The following CACNB4 variants were observed in gnomAD, a reference collection of about 807,000 sequenced individuals.
The protein encoded by CACNB4 is calcium voltage-gated channel auxiliary subunit beta 4, also known as voltage-dependent L-type calcium channel subunit beta-4.
CACNB4 carries 32 observed loss-of-function variants against 71.2 expected under a neutral mutation model. That is an observed-to-expected ratio of 0.45 (90% CI 0.34 to 0.60). The LOEUF (loss-of-function observed/expected upper bound fraction) is 0.60, where lower values mean the gene tolerates loss of function less well. CACNB4 is among the 20% of genes least tolerant of loss of function. The pLI is 0.01. For missense variants in CACNB4, 464 were observed against 647.9 expected (o/e 0.72, Z 3.08); for synonymous variants, 231 against 236.9 (o/e 0.97, Z 0.23).
intron 2 of CACNB4, among the ~76,000 whole-genome samples, chr2:151,911,392 G>A (rs1265672631): frequency 6.6e-6 from 1 of 152,136 alleles, no homozygotes; most frequent in East Asian, 1.9e-4. Context: ...TTTTCAAAGG[G>A]AATACTTCCA....
At chr2:151,989,900 C>T (rs1681598702) in intron 2 of CACNB4, among the ~76,000 whole-genome samples, 1 of 152,142 alleles carries the variant, frequency 6.6e-6, no homozygotes, top group Admixed American at 6.6e-5. Flanking sequence ...GCTTCCCTTC[C>T]CCCTCTCCAC....
intron 2 of CACNB4, among the ~76,000 whole-genome samples, chr2:152,061,819 C>A (rs1686030869): frequency 6.6e-6 from 1 of 151,742 alleles, no homozygotes; most frequent in Non-Finnish European, 1.5e-5. Context: ...CAAGACCAGT[C>A]TGGCCAACAT....
At chr2:151,991,808 T>C (rs944322618) in intron 2 of CACNB4, among the ~76,000 whole-genome samples, 2 of 152,216 alleles carry the variant, frequency 1.3e-5, no homozygotes, top group African/African-American at 4.8e-5. Context: ...TTTATCATTC[T>C]GTAATGGCGA....
intron 2 of CACNB4, among the ~76,000 whole-genome samples, chr2:152,033,311 C>T (rs765472505): frequency 1.3e-5 from 2 of 151,956 alleles, no homozygotes; most frequent in Admixed American, 6.6e-5. Context: ...GTGGTGTAGA[C>T]GGGCTGCCAC....
rs772710615 is a variant in CACNB4 at position 151,835,340 on chromosome 2, C to A, written c.*3779G>T. 2 of 151,850 alleles carry A rather than the reference C, an allele frequency of 1.3e-5. No individual in the cohort carries two copies. Among genetic ancestry groups the A allele is most frequent in the Non-Finnish European group, 3.0e-5 (2 of 67,790 alleles). 9.4% of individuals were successfully genotyped at this position (151,850 alleles called of 1,614,324 possible). A position where few individuals can be genotyped will look rare whatever the true frequency, so the allele number is the denominator to read the frequency against. ...CAGCATTTTGGAAACAGTTTAAAAT[C>A]TAAAGGGAAGGCATATTTTAATAAT... is the stretch of plus-strand genomic sequence containing the variant. On this transcript the variant is annotated 3_prime_UTR_variant, in exon 14 of 14. Coordinates refer to ENST00000539935, the MANE Select transcript of CACNB4 (RefSeq NM_000726.5).
At chr2:151,860,327 A>G in intron 10 of CACNB4, 1 of 226,382 alleles carries the variant, frequency 4.4e-6, no homozygotes, top group Non-Finnish European at 8.5e-6. Flanking sequence ...CTTTTCTTCT[A>G]AAGATCTCAG....
chr2:152,052,938 C>T (rs959798505), intron 2 of CACNB4, among the ~76,000 whole-genome samples: 3 of 151,656 alleles, frequency 2.0e-5, no homozygotes, highest in African/African-American at 7.3e-5. Flanking sequence ...GCCGAGATCA[C>T]GCCACTGCAC....
At chr2:151,870,790 C>T (rs558982840) in intron 7 of CACNB4, 52 bp downstream of exon 7, 3 of 1,449,456 alleles carry the variant, frequency 2.1e-6, no homozygotes, top group Non-Finnish European at 2.9e-6. Flanking sequence ...GCATTGCAGG[C>T]ATGTATATAT....
intron 2 of CACNB4, among the ~76,000 whole-genome samples, chr2:151,903,764 T>G (rs1396727364): frequency 1.3e-5 from 2 of 152,218 alleles, no homozygotes; most frequent in African/African-American, 4.8e-5. Context: ...AGCTCCCTGC[T>G]CTTGCACAGG....
chr2:151,868,388 G>GT (rs762276705), intron 9 of CACNB4: 12 of 152,178 alleles, frequency 7.9e-5, no homozygotes, highest in Non-Finnish European at 1.8e-4. Flanking sequence ...TAAATCTCAG[G>GT]TTTTTTCATG....
chr2:151,887,085 G>C (rs1163440461), intron 2 of CACNB4, among the ~76,000 whole-genome samples: 5 of 152,058 alleles, frequency 3.3e-5, no homozygotes, highest in Non-Finnish European at 7.4e-5. Flanking sequence ...CAAAAAGAGA[G>C]AGAGATGGCA....
At chr2:151,877,618 G>A (rs2099846774) in intron 4 of CACNB4, among the ~76,000 whole-genome samples, 1 of 152,138 alleles carries the variant, frequency 6.6e-6, no homozygotes, top group Non-Finnish European at 1.5e-5. Context: ...TCTCACTGGG[G>A]AAGAGTCATG....
rs376015337 is a variant in CACNB4, at chr2:151,841,927, A to G, written c.1278T>C (p.Tyr426=). The change falls in exon 13 of 14, where the codon TAT becomes TAC. Residue 426 remains tyrosine, a synonymous_variant. Coordinates refer to ENST00000539935, the MANE Select transcript of CACNB4 (RefSeq NM_000726.5). ...RNLGSTALSP[Y]PTAISGLQSQ... is the part of the protein sequence containing the mutation. ...CCTGTAACCCAGAAATTGCTGTGGG[A>G]TATGGTGAGAGTGCCGTGGAGCCCA... 20 of 1,613,808 alleles carry G rather than the reference A, an allele frequency of 1.2e-5. No homozygotes were observed. Among genetic ancestry groups the G allele is most frequent in the Non-Finnish European group, 1.6e-5 (19 of 1,179,888 alleles).
intron 2 of CACNB4, among the ~76,000 whole-genome samples, chr2:151,960,686 T>C (rs1330262607): frequency 6.6e-6 from 1 of 152,202 alleles, no homozygotes; most frequent in East Asian, 1.9e-4. Context: ...CAAGGGTTAG[T>C]GCTCTTTCTG....
At chr2:151,860,947 G>A (rs2099841486) in intron 9 of CACNB4, 127 bp from the exon 10 acceptor site, 1 of 643,080 alleles carries the variant, frequency 1.6e-6, no homozygotes, top group Non-Finnish European at 2.8e-6. Flanking sequence ...AACAAACATT[G>A]GCCACAAGTA....
At chr2:152,020,535 A>C (rs1210077641) in intron 2 of CACNB4, among the ~76,000 whole-genome samples, 2 of 152,254 alleles carry the variant, frequency 1.3e-5, no homozygotes, top group Non-Finnish European at 2.9e-5. Context: ...TAAAGAAAGA[A>C]AAGAAAGATC....
At chr2:151,924,618 T>C (rs1003568941) in intron 2 of CACNB4, among the ~76,000 whole-genome samples, 1 of 151,972 alleles carries the variant, frequency 6.6e-6, no homozygotes, top group African/African-American at 2.4e-5. Flanking sequence ...TGTAATATGA[T>C]GAAGGTGAAT....
At chr2:152,031,377 G>C (rs1684274950) in intron 2 of CACNB4, among the ~76,000 whole-genome samples, 1 of 152,242 alleles carries the variant, frequency 6.6e-6, no homozygotes, top group Non-Finnish European at 1.5e-5. Context: ...TACAATGCAT[G>C]TAGTTCAGGC....
At chr2:152,048,105 C>T (rs1685228001) in intron 2 of CACNB4, among the ~76,000 whole-genome samples, 1 of 152,108 alleles carries the variant, frequency 6.6e-6, no homozygotes, top group Non-Finnish European at 1.5e-5. Flanking sequence ...CTGCTGACAT[C>T]GTGGACCAGA....
Sources: allele counts gnomAD v4.1 joint callset (sites outside exome capture counted in the v4.1 genomes callset), GRCh38; gene constraint gnomAD v4.1.1; transcripts MANE v1.5; gene names NCBI Gene and HGNC (gene_info 2026-07-23, HGNC 2026-07-21).